Variants in PTAR1 observed in about 807,000 individuals in gnomAD.
PTAR1 encodes protein prenyltransferase alpha subunit repeat containing 1.
PTAR1 carries 17 observed loss-of-function variants against 45.5 expected under a neutral mutation model. The observed-to-expected ratio is 0.37, with a 90% confidence interval of 0.26 to 0.56. The LOEUF (loss-of-function observed/expected upper bound fraction) is 0.56. Among genes scored for constraint, PTAR1 ranks in the 20% least tolerant of loss-of-function variants. PTAR1 has a pLI of 0.77. For synonymous variants in PTAR1, 169 were observed against 171.3 expected, an observed-to-expected ratio of 0.99 and a Z score of 0.11; for missense variants, 391 against 476.3, an observed-to-expected ratio of 0.82 and a Z score of 1.67.
In PTAR1 at chr9:69,733,433, T is replaced by C. The variant is rs191273596; in HGVS notation, c.428+717A>G. On this transcript the variant is annotated intron_variant, in intron 4 of 7. Coordinates refer to ENST00000340434, the MANE Select transcript of PTAR1 (RefSeq NM_001099666.2). ...AGAGTGGCTTAATAAACTGAGAATT[T>C]CAGAGTGACTTCTTCATTGGTCCTG... Among the ~76,000 whole-genome samples, 111 of 152,234 alleles carry C rather than the reference T, an allele frequency of 7.3e-4. 1 individual carries two copies. Among genetic ancestry groups the C allele is most frequent in the African/African-American group, 2.3e-3 (96 of 41,550 alleles).
intron 1 of PTAR1, among the ~76,000 whole-genome samples, chr9:69,751,409 A>T (rs1826528482): frequency 6.6e-6 from 1 of 152,082 alleles, no homozygotes; most frequent in South Asian, 2.1e-4. Flanking sequence ...GCATATGCTG[A>T]CATAAAAAAA....
chr9:69,751,712 T>C (rs1286090195), intron 1 of PTAR1, among the ~76,000 whole-genome samples: 1 of 152,078 alleles, frequency 6.6e-6, no homozygotes, highest in African/African-American at 2.4e-5. Context: ...AAAAACGTTA[T>C]TTTATCAGTG....
Position 69,712,498 on chromosome 9 carries a change from C to T in PTAR1, c.*5844G>A, listed in dbSNP as rs983638495. 3.3e-5 allele frequency: 5 copies of T among 152,058 alleles called. No homozygotes were observed. Among genetic ancestry groups the T allele is most frequent in the Non-Finnish European group, 7.4e-5 (5 of 67,980 alleles). The allele number at this position is 152,058 out of a possible 1,614,324, so 9.4% of individuals were successfully genotyped here. A position where few individuals can be genotyped will look rare whatever the true frequency, so the allele number is the denominator to read the frequency against. On this transcript the variant is annotated 3_prime_UTR_variant, in exon 8 of 8. Transcript: ENST00000340434. ...TTTGAAACTGATTATGTATTTTATG[C>T]AAAATGGTATATTTTTCCCAAAGCT...
intron 2 of PTAR1, among the ~76,000 whole-genome samples, chr9:69,746,256 C>A (rs1408620423): frequency 6.6e-6 from 1 of 152,334 alleles, no homozygotes; most frequent in East Asian, 1.9e-4. Flanking sequence ...CTCACAACAA[C>A]CCTCTGAGGT....
At chr9:69,724,184 T>C (rs1327615540) in intron 5 of PTAR1, among the ~76,000 whole-genome samples, 10 of 152,166 alleles carry the variant, frequency 6.6e-5, no homozygotes, top group Admixed American at 5.9e-4. Context: ...TAGAAAAACA[T>C]GATGCACTAA....
At chr9:69,725,064 T>C (rs1263686187) in intron 5 of PTAR1, among the ~76,000 whole-genome samples, 1 of 152,144 alleles carries the variant, frequency 6.6e-6, no homozygotes, top group East Asian at 1.9e-4. Flanking sequence ...GAAATAAAAA[T>C]CAATCTTACA....
intron 2 of PTAR1, among the ~76,000 whole-genome samples, chr9:69,743,021 A>G (rs182317437): frequency 1.3e-5 from 2 of 152,282 alleles, no homozygotes; most frequent in Non-Finnish European, 2.9e-5. Context: ...GGGGCACAGT[A>G]CTAAATTAAG....
chr9:69,750,977 TTAAAAA>T (rs1379040493), intron 1 of PTAR1, 27 bp from the exon 2 acceptor site: 1 of 1,457,604 alleles, frequency 6.9e-7, no homozygotes, highest in Admixed American at 2.5e-5. Flanking sequence ...TAAAAAAGAA[TTAAAAA>T]TAAGGATACT....
chr9:69,719,570 A>T (rs1300882920), intron 6 of PTAR1, among the ~76,000 whole-genome samples: 1 of 152,220 alleles, frequency 6.6e-6, no homozygotes, highest in Non-Finnish European at 1.5e-5. Flanking sequence ...GGTAAAACTT[A>T]AAGGCTAGAT....
At chr9:69,756,177 T>C (rs1334745848) in intron 1 of PTAR1, among the ~76,000 whole-genome samples, 1 of 152,212 alleles carries the variant, frequency 6.6e-6, no homozygotes, top group Non-Finnish European at 1.5e-5. Flanking sequence ...TTGCCTTTCA[T>C]CATTCTTTAC....
chr9:69,723,441 C>T lies in PTAR1; in HGVS notation c.832G>A (p.Ala278Thr), dbSNP rs777124790. The part of the protein sequence containing the change: ...ALVPPKDEEA[A>T]VSTEEPRINL... The stretch of plus-strand genomic sequence containing the variant: ...ATCCTTGGTTCTTCTGTTGAAACTG[C>T]TGCTTCTTCATCTTTTGGAGGAACT... The change falls in exon 6 of 8, where the codon GCA becomes ACA. Residue 278 changes from alanine (A) to threonine (T), a missense_variant. Physicochemically the swap from Ala to Thr is moderately conservative, Grantham distance 58. Coordinates refer to ENST00000340434, the MANE Select transcript of PTAR1 (RefSeq NM_001099666.2). The T allele has an allele frequency of 6.2e-6, 10 of 1,613,906 alleles. No individual in the cohort carries two copies. Among genetic ancestry groups the T allele is most frequent in the South Asian group, 4.4e-5 (4 of 91,092 alleles).
At chr9:69,723,768 GCA>G in intron 5 of PTAR1, 138 bp from the exon 6 acceptor site, 1 of 670,304 alleles carries the variant, frequency 1.5e-6, no homozygotes. Flanking sequence ...ACAATGTCTA[GCA>G]CAGTGCTCTC....
rs113959416 is a variant in PTAR1 at position 69,727,125 on chromosome 9, C to A, written c.643-3495G>T. ...GTATACACTGTGAAATGATTACCAC[C>A]ATCAAGTGAATTAACTTATCTATCA... On this transcript the variant is annotated intron_variant, in intron 5 of 7. Coordinates refer to ENST00000340434, the MANE Select transcript of PTAR1 (RefSeq NM_001099666.2). Among the ~76,000 whole-genome samples, 1,364 of 151,896 alleles carry A rather than the reference C, an allele frequency of 9.0e-3. 18 individuals carry two copies. The highest frequency in any genetic ancestry group is 0.03 in the African/African-American group (1,237 of 41,432).
chr9:69,728,191 A>G (rs1174142279), intron 5 of PTAR1, among the ~76,000 whole-genome samples: 2 of 152,050 alleles, frequency 1.3e-5, no homozygotes, highest in Non-Finnish European at 2.9e-5. Flanking sequence ...TCCATTCCTC[A>G]GGTGAGGTAT....
chr9:69,756,229 T>A (rs1826769689), intron 1 of PTAR1, among the ~76,000 whole-genome samples: 2 of 152,208 alleles, frequency 1.3e-5, no homozygotes, highest in African/African-American at 4.8e-5. Context: ...CTTAGAAGTG[T>A]ACATCCTTGA....
intron 3 of PTAR1, among the ~76,000 whole-genome samples, chr9:69,740,200 GGT>G (rs1037585601): frequency 6.6e-6 from 1 of 151,808 alleles, no homozygotes; most frequent in African/African-American, 2.4e-5. Context: ...TATGTATATA[GGT>G]GTGTGTGTGT....
intron 3 of PTAR1, 127 bp from the exon 4 acceptor site, chr9:69,734,381 A>T: frequency 2.0e-6 from 1 of 496,456 alleles, no homozygotes; most frequent in African/African-American, 2.0e-5. Context: ...AAACAAAAAA[A>T]GAAAGAAAAA....
rs1033036672 is a variant in PTAR1, at chr9:69,715,005, A to G, written c.*3337T>C. 1 of 139,550 alleles carries G rather than the reference A, an allele frequency of 7.2e-6. No individual in the cohort carries two copies. Among genetic ancestry groups the G allele is most frequent in the African/African-American group, 3.4e-5 (1 of 29,664 alleles). The allele number at this position is 139,550 out of a possible 1,614,324, so 8.6% of individuals were successfully genotyped here. On this transcript the variant is annotated 3_prime_UTR_variant, in exon 8 of 8. Transcript: ENST00000340434. Reference sequence around the variant, plus strand: ...CACTGAAATCAAAGAATTTCTTCAGATGATTAAAAGCAGTTTCGGCTCTGT... The same window carrying G: ...CACTGAAATCAAAGAATTTCTTCAGGTGATTAAAAGCAGTTTCGGCTCTGT...
chr9:69,736,306 C>A (rs1467274539), intron 3 of PTAR1, among the ~76,000 whole-genome samples: 1 of 152,156 alleles, frequency 6.6e-6, no homozygotes, highest in African/African-American at 2.4e-5. Context: ...CGCCTGTAAT[C>A]CCAGCACTTT....
Sources: gnomAD v4.1 joint callset for allele counts (sites outside exome capture counted in the v4.1 genomes callset) on GRCh38, gnomAD v4.1.1 for gene constraint, MANE v1.5 for transcripts, NCBI Gene and HGNC (gene_info 2026-07-23, HGNC 2026-07-21) for gene names.